NKAIN3: variants seen among roughly 807,000 people sequenced by gnomAD.
The protein encoded by NKAIN3 is sodium/potassium-transporting ATPase subunit beta-1-interacting protein 3.
In NKAIN3, 25 loss-of-function variants were observed where a neutral mutation model predicts 30.2. That is an observed-to-expected ratio of 0.83 (90% confidence interval 0.60 to 1.16). NKAIN3 has a LOEUF of 1.16. Ranked by LOEUF, NKAIN3 falls within the 50% of genes most tolerant of loss-of-function variation. NKAIN3 has a pLI of 0.00. For synonymous variants in NKAIN3, 91 were observed against 89.6 expected (o/e 1.02, Z -0.09); for missense variants, 225 against 254.1 (o/e 0.89, Z 0.78).
chr8:62,939,791 A>C (rs1175022750), intron 5 of NKAIN3, among the ~76,000 whole-genome samples: 18 of 152,172 alleles, frequency 1.2e-4, no homozygotes, highest in Admixed American at 1.2e-3. Context: ...AATACATCAA[A>C]ATAGAAACTT....
chr8:62,926,805 A>C (rs1317905760), intron 5 of NKAIN3, among the ~76,000 whole-genome samples: 1 of 152,146 alleles, frequency 6.6e-6, no homozygotes, highest in Non-Finnish European at 1.5e-5. Context: ...GTCTGTATCC[A>C]TCTGTGATCA....
intron 1 of NKAIN3, among the ~76,000 whole-genome samples, chr8:62,451,605 A>G (rs1805645699): frequency 6.6e-6 from 1 of 152,208 alleles, no homozygotes; most frequent in South Asian, 2.1e-4. Flanking sequence ...AACATTTTGT[A>G]GAAGCCTAAG....
intron 4 of NKAIN3, among the ~76,000 whole-genome samples, chr8:62,866,304 T>C (rs1563601361): frequency 6.6e-6 from 1 of 152,204 alleles, no homozygotes; most frequent in Non-Finnish European, 1.5e-5. Flanking sequence ...TATATACAAT[T>C]TGCAGTGCAG....
At chr8:62,988,459 T>C (rs1206897803), downstream of NKAIN3, among the ~76,000 whole-genome samples, 2 of 152,240 alleles carry the variant, frequency 1.3e-5, no homozygotes, top group Non-Finnish European at 2.9e-5. Flanking sequence ...GAAATCTAGA[T>C]GGAGATTCCC....
chr8:62,915,511 C>T (rs910547830), intron 4 of NKAIN3, among the ~76,000 whole-genome samples: 7 of 152,176 alleles, frequency 4.6e-5, no homozygotes, highest in Non-Finnish European at 8.8e-5. Context: ...ATTTTAGCCT[C>T]GTAAGGCCCA....
chr8:62,548,528 A>T (rs1350669212), intron 1 of NKAIN3, among the ~76,000 whole-genome samples: 1 of 152,122 alleles, frequency 6.6e-6, no homozygotes, highest in Admixed American at 6.6e-5. Flanking sequence ...CTGTCCAGGC[A>T]CCACAGAGTC....
At chr8:62,703,860 G>A (rs1366521546) in intron 3 of NKAIN3, among the ~76,000 whole-genome samples, 1 of 152,022 alleles carries the variant, frequency 6.6e-6, no homozygotes, top group Admixed American at 6.6e-5. Flanking sequence ...CAGTATCACT[G>A]GTAAGAAAGT....
intron 5 of NKAIN3, among the ~76,000 whole-genome samples, chr8:62,945,266 G>A (rs921841898): frequency 6.6e-6 from 1 of 152,182 alleles, no homozygotes; most frequent in African/African-American, 2.4e-5. Flanking sequence ...TTGATCTGTA[G>A]ATAAAGAGGC....
Position 62,770,875 on chromosome 8 carries a change from A to G in NKAIN3, c.471+23746A>G, listed in dbSNP as rs112100521. On this transcript the variant is annotated intron_variant, in intron 4 of 6. Coordinates refer to ENST00000623646, the MANE Select transcript of NKAIN3 (RefSeq NM_001304533.3). ...TTAACACAAAACAAAGCAAACGAGT[A>G]ACAACTGACAGGAGGCTGGTGGGCG... 4.6e-3 allele frequency among the ~76,000 whole-genome samples: 697 copies of G among 152,074 alleles called. 5 individuals are homozygous for G. The highest frequency in any genetic ancestry group is 0.016 in the African/African-American group (671 of 41,514).
At chr8:62,369,825 A>G (rs1010737947) in intron 1 of NKAIN3, among the ~76,000 whole-genome samples, 1 of 151,742 alleles carries the variant, frequency 6.6e-6, no homozygotes, top group African/African-American at 2.4e-5. Flanking sequence ...GGTTCTGCCT[A>G]TCTCACTGTT....
intron 3 of NKAIN3, among the ~76,000 whole-genome samples, chr8:62,655,382 G>A (rs1028264442): frequency 3.3e-5 from 5 of 152,124 alleles, no homozygotes; most frequent in Non-Finnish European, 7.4e-5. Flanking sequence ...TTTAGAATAT[G>A]ACTTTGATTC....
chr8:62,629,525 A>G (rs943559485), intron 3 of NKAIN3, among the ~76,000 whole-genome samples: 7 of 152,170 alleles, frequency 4.6e-5, no homozygotes, highest in African/African-American at 1.7e-4. Context: ...TTTGGGGAAG[A>G]TTAAATGAGA....
intron 3 of NKAIN3, among the ~76,000 whole-genome samples, chr8:62,734,642 T>A (rs1184777169): frequency 6.6e-6 from 1 of 152,070 alleles, no homozygotes; most frequent in Admixed American, 6.6e-5. Flanking sequence ...CCAAGAGAAA[T>A]AAGAAAAACC....
chr8:62,671,304 C>T (rs1813296146), intron 3 of NKAIN3, among the ~76,000 whole-genome samples: 1 of 152,058 alleles, frequency 6.6e-6, no homozygotes, highest in Non-Finnish European at 1.5e-5. Context: ...TCTGTTATAT[C>T]CTTCAGGCAT....
At chr8:62,639,661 C>T (rs1812246815) in intron 3 of NKAIN3, among the ~76,000 whole-genome samples, 1 of 151,930 alleles carries the variant, frequency 6.6e-6, no homozygotes, top group African/African-American at 2.4e-5. Flanking sequence ...ATCATAAAAT[C>T]AAGATTTTTG....
Position 62,711,729 on chromosome 8 carries a change from TC to T in NKAIN3, c.274-35202del, listed in dbSNP as rs557374958. ...TAGCTTAATAACTAACCTCCTGAAT[TC>T]TTTTTCAGGTAAATCATGCATTTCT... On this transcript the variant is annotated intron_variant, in intron 3 of 6. Coordinates refer to ENST00000623646, the MANE Select transcript of NKAIN3 (RefSeq NM_001304533.3). Among the ~76,000 whole-genome samples, 1,036 of 152,328 alleles carry T rather than the reference TC, an allele frequency of 6.8e-3. 9 individuals carry two copies. The highest frequency in any genetic ancestry group is 0.03 in the South Asian group (144 of 4,824).
intron 1 of NKAIN3, among the ~76,000 whole-genome samples, chr8:62,562,053 C>A (rs899641844): frequency 6.6e-6 from 1 of 152,134 alleles, no homozygotes; most frequent in Non-Finnish European, 1.5e-5. Context: ...CTCCATATGA[C>A]CACCTGCATC....
At chr8:62,945,562 T>C (rs11776846) in intron 5 of NKAIN3, among the ~76,000 whole-genome samples, 4,230 of 152,282 alleles carry the variant, frequency 0.028, 82 homozygotes, top group Non-Finnish European at 0.042. Context: ...AAGATGATTA[T>C]AGAAGGGAAT....
intron 4 of NKAIN3, among the ~76,000 whole-genome samples, chr8:62,818,640 A>G (rs1818760286): frequency 6.6e-6 from 1 of 152,170 alleles, no homozygotes; most frequent in African/African-American, 2.4e-5. Context: ...TCAAAGATTA[A>G]TAAGATAGAA....
Sources: gnomAD v4.1 joint callset for allele counts (sites outside exome capture counted in the v4.1 genomes callset) on GRCh38, gnomAD v4.1.1 for gene constraint, MANE v1.5 for transcripts, NCBI Gene and HGNC (gene_info 2026-07-23, HGNC 2026-07-21) for gene names.